The following CSMD1 variants were observed in gnomAD, a reference collection of about 807,000 sequenced individuals.
CSMD1 encodes the protein CUB and Sushi multiple domains 1.
In CSMD1, 213 loss-of-function variants were observed where a neutral mutation model predicts 417.5. The ratio of observed to expected loss-of-function variants is 0.51; its 90% confidence interval spans 0.46 to 0.57. The LOEUF (loss-of-function observed/expected upper bound fraction) is 0.57, where lower values mean the gene tolerates loss of function less well. Among genes scored for constraint, CSMD1 ranks in the 20% least tolerant of loss-of-function variants. CSMD1 has a pLI of 0.00. For synonymous variants in CSMD1, 2,862 were observed against 1,736.8 expected (o/e 1.65, Z -16.11); for missense variants, 6,923 against 4,529.7 (o/e 1.53, Z -15.17).
intron 3 of CSMD1, among the ~76,000 whole-genome samples, chr8:4,039,867 T>C (rs1797798049): frequency 1.3e-5 from 2 of 152,194 alleles, no homozygotes; most frequent in South Asian, 2.1e-4. Flanking sequence ...GATTTTGTAA[T>C]GTTGGACAAA....
chr8:3,082,030 T>C (rs1173491610), intron 49 of CSMD1, among the ~76,000 whole-genome samples: 2 of 152,170 alleles, frequency 1.3e-5, no homozygotes, highest in Non-Finnish European at 2.9e-5. Flanking sequence ...CACCAACATA[T>C]GTCATCCCAG....
At position 2,978,833 on chromosome 8, in the gene CSMD1, A is replaced by AAACAGCTAG. The variant is rs143575454; in HGVS notation, c.8378-42_8378-34dup. On this transcript the variant is annotated intron_variant, in intron 54 of 69. Coordinates refer to ENST00000635120, the MANE Select transcript of CSMD1 (RefSeq NM_033225.6). ...ATAAAACATTTCACACACCATTTAG[A>AAACAGCTAG]AACAGCTAGAAATAACAACAAAATA... is the stretch of plus-strand genomic sequence containing the variant. 4.8e-5 allele frequency: 73 copies of AAACAGCTAG among 1,530,094 alleles called. No individual in the cohort carries two copies. In the East Asian group the frequency reaches 1.3e-3, roughly 28 times the overall value. 94.8% of individuals were successfully genotyped at this position (1,530,094 alleles called of 1,614,324 possible).
At chr8:4,113,843 G>C (rs1210458654) in intron 3 of CSMD1, among the ~76,000 whole-genome samples, 1 of 152,172 alleles carries the variant, frequency 6.6e-6, no homozygotes, top group Non-Finnish European at 1.5e-5. Flanking sequence ...TTCAGAGCAA[G>C]CTCCTCATTT....
chr8:4,769,492 T>G (rs1204773655), intron 1 of CSMD1, among the ~76,000 whole-genome samples: 1 of 152,166 alleles, frequency 6.6e-6, no homozygotes, highest in Non-Finnish European at 1.5e-5. Flanking sequence ...TAATATAACA[T>G]TTGAAAAAAA....
intron 1 of CSMD1, among the ~76,000 whole-genome samples, chr8:4,911,806 G>C (rs1440610454): frequency 2.0e-5 from 3 of 152,072 alleles, no homozygotes; most frequent in Non-Finnish European, 2.9e-5. Context: ...CTAGATTGGA[G>C]TTGCTCATTA....
At chr8:4,019,799 G>A (rs758390476) in intron 4 of CSMD1, among the ~76,000 whole-genome samples, 17 of 151,746 alleles carry the variant, frequency 1.1e-4, no homozygotes, top group Admixed American at 9.9e-4. Flanking sequence ...GTGACCCACT[G>A]CCACACAGGC....
intron 5 of CSMD1, among the ~76,000 whole-genome samples, chr8:3,795,015 T>C (rs1332362774): frequency 6.6e-6 from 1 of 151,512 alleles, no homozygotes; most frequent in Non-Finnish European, 1.5e-5. Flanking sequence ...TAAATACATA[T>C]CTATCATATA....
At chr8:3,456,230 A>T (rs1167739553) in intron 12 of CSMD1, among the ~76,000 whole-genome samples, 1 of 152,088 alleles carries the variant, frequency 6.6e-6, no homozygotes, top group Non-Finnish European at 1.5e-5. Context: ...TTGACTAGGA[A>T]AGGGAATTCC....
intron 5 of CSMD1, among the ~76,000 whole-genome samples, chr8:3,967,204 C>A (rs1251065338): frequency 1.3e-5 from 2 of 151,688 alleles, no homozygotes; most frequent in Non-Finnish European, 3.0e-5. Context: ...CTCTCTACTG[C>A]TTTGCTCTTC....
intron 3 of CSMD1, among the ~76,000 whole-genome samples, chr8:4,136,820 G>T (rs1027858910): frequency 6.6e-6 from 1 of 152,158 alleles, no homozygotes; most frequent in South Asian, 2.1e-4. Flanking sequence ...AAGGGATCCT[G>T]ACATCCAAAT....
At chr8:4,656,097 T>G in intron 1 of CSMD1, among the ~76,000 whole-genome samples, 1 of 152,060 alleles carries the variant, frequency 6.6e-6, no homozygotes, top group East Asian at 1.9e-4. Flanking sequence ...AATGCTAGTC[T>G]TATGGGGGCA....
intron 3 of CSMD1, among the ~76,000 whole-genome samples, chr8:4,110,501 T>C (rs897582188): frequency 5.9e-5 from 9 of 152,292 alleles, no homozygotes; most frequent in African/African-American, 1.9e-4. Context: ...TCATATATTA[T>C]TTTCCCCTAG....
intron 1 of CSMD1, among the ~76,000 whole-genome samples, chr8:4,923,953 C>T (rs1806677319): frequency 6.6e-6 from 1 of 152,186 alleles, no homozygotes; most frequent in Non-Finnish European, 1.5e-5. Context: ...AAGCTATTCT[C>T]AACCTTGCAT....
intron 18 of CSMD1, among the ~76,000 whole-genome samples, chr8:3,386,251 G>T (rs1215742548): frequency 6.6e-6 from 1 of 152,180 alleles, no homozygotes; most frequent in East Asian, 1.9e-4. Flanking sequence ...CACCTGGGGG[G>T]CTCACCCCTG....
intron 5 of CSMD1, among the ~76,000 whole-genome samples, chr8:3,828,032 G>T (rs537758190): frequency 2.0e-5 from 3 of 152,160 alleles, no homozygotes; most frequent in Admixed American, 6.5e-5. Flanking sequence ...ATATGGATTT[G>T]TGTGTGATAT....
chr8:3,507,279 C>T (rs1182898354), intron 10 of CSMD1, among the ~76,000 whole-genome samples: 1 of 152,102 alleles, frequency 6.6e-6, no homozygotes, highest in Admixed American at 6.5e-5. Context: ...CTTTACTCAT[C>T]TCATTACTAA....
In CSMD1 at chr8:3,942,921, A is replaced by G. The variant is rs146868156; in HGVS notation, c.818+54982T>C. Among the ~76,000 whole-genome samples the G allele has an allele frequency of 6.1e-3, 935 of 152,218 alleles. 15 individuals are homozygous for G. Among genetic ancestry groups the G allele is most frequent in the African/African-American group, 0.021 (886 of 41,540 alleles). ...TTGTGATACTTTTTTTTGTCTTTTA[A>G]TTTAAAAAATACTGGCACGACAACA... On this transcript the variant is annotated intron_variant, in intron 5 of 69. Transcript: ENST00000635120.
chr8:4,077,660 T>G (rs1585263784), intron 3 of CSMD1, among the ~76,000 whole-genome samples: 1 of 152,218 alleles, frequency 6.6e-6, no homozygotes, highest in East Asian at 1.9e-4. Flanking sequence ...GGAGGTATAT[T>G]TGATCTTTTT....
chr8:4,614,837 A>T (rs965323848), intron 2 of CSMD1, among the ~76,000 whole-genome samples: 3 of 152,222 alleles, frequency 2.0e-5, no homozygotes, highest in Admixed American at 6.5e-5. Context: ...TTATTTTTTT[A>T]AAAATGAATA....
Sources: allele counts gnomAD v4.1 joint callset (sites outside exome capture counted in the v4.1 genomes callset), GRCh38; gene constraint gnomAD v4.1.1; transcripts MANE v1.5; gene names NCBI Gene and HGNC (gene_info 2026-07-23, HGNC 2026-07-21).